Variants in LRRC37A2 observed in about 807,000 individuals in gnomAD.
LRRC37A2 encodes leucine rich repeat containing 37 member A2.
A neutral mutation model predicts 68.8 loss-of-function variants in LRRC37A2; 9 were observed. That is an observed-to-expected ratio of 0.13 (90% CI 0.08 to 0.23). The LOEUF (loss-of-function observed/expected upper bound fraction) is 0.23, where lower values mean the gene tolerates loss of function less well. Among genes scored for constraint, LRRC37A2 ranks in the 10% least tolerant of loss-of-function variants. LRRC37A2 has a pLI of 1.00. For missense variants in LRRC37A2, 168 were observed against 950.4 expected (o/e 0.18, Z 10.82); for synonymous variants, 63 against 367.6 (o/e 0.17, Z 9.48).
chr17:46,832,039 C>T, the LRRC37A2 span, among the ~76,000 whole-genome samples: 1 of 152,192 alleles, frequency 6.6e-6, no homozygotes, highest in Non-Finnish European at 1.5e-5. Context: ...TGCCCAGCCT[C>T]GTGAGGCCCG....
chr17:47,035,039 C>T, the LRRC37A2 span: 1 of 152,150 alleles, frequency 6.6e-6, no homozygotes, highest in African/African-American at 2.4e-5. Context: ...TCGCCACTGA[C>T]TCACTCTGAT....
At chr17:47,043,499 A>AG in the LRRC37A2 span, among the ~76,000 whole-genome samples, 1 of 116,496 alleles carries the variant, frequency 8.6e-6, no homozygotes, top group Non-Finnish European at 2.0e-5. Context: ...ACTCCATCTC[A>AG]GGAAAAAAAA....
At chr17:46,757,843 A>C in the LRRC37A2 span, among the ~76,000 whole-genome samples, 539 of 152,202 alleles carry the variant, frequency 3.5e-3, 6 homozygotes, top group African/African-American at 0.013. Flanking sequence ...AAAATGCAAA[A>C]AACAGCCGGG....
chr17:46,721,458 A>T, the LRRC37A2 span: 1 of 643,902 alleles, frequency 1.6e-6, no homozygotes, highest in East Asian at 2.7e-5. Flanking sequence ...TAACTTTAAG[A>T]CCCTATATAT....
At chr17:46,534,436 A>G (rs563405893) in intron 6 of LRRC37A2, among the ~76,000 whole-genome samples, 534 of 148,814 alleles carry the variant, frequency 3.6e-3, no homozygotes, top group Non-Finnish European at 6.1e-3. Context: ...CTGTTTAACA[A>G]AGCACATCTT....
At chr17:46,713,902 A>C in the LRRC37A2 span, 2 of 1,612,950 alleles carry the variant, frequency 1.2e-6, no homozygotes, top group South Asian at 2.2e-5. Context: ...TTGCAGAGGA[A>C]TCCAACTTCC....
chr17:46,849,269 A>G, the LRRC37A2 span, among the ~76,000 whole-genome samples: 72 of 152,366 alleles, frequency 4.7e-4, no homozygotes, highest in African/African-American at 1.7e-3. Context: ...TCTTTGATTC[A>G]TAGGCTTACC....
At chr17:46,815,257 G>C in the LRRC37A2 span, among the ~76,000 whole-genome samples, 2 of 152,122 alleles carry the variant, frequency 1.3e-5, no homozygotes, top group African/African-American at 2.4e-5. Context: ...AGAAATCAGT[G>C]CTGTTGTTTC....
chr17:46,792,968 A>G, the LRRC37A2 span, among the ~76,000 whole-genome samples: 1 of 152,114 alleles, frequency 6.6e-6, no homozygotes, highest in African/African-American at 2.4e-5. Flanking sequence ...CTGAGATGGC[A>G]AAAAAAGCAG....
At chr17:46,494,548 T>C in the LRRC37A2 span, among the ~76,000 whole-genome samples, 2 of 150,536 alleles carry the variant, frequency 1.3e-5, no homozygotes, top group Non-Finnish European at 2.9e-5. Context: ...ATTTACAAAT[T>C]ATCAATTATA....
At chr17:46,405,805 C>G in the LRRC37A2 span, among the ~76,000 whole-genome samples, 5,083 of 86,370 alleles carry the variant, frequency 0.059, 25 homozygotes, top group East Asian at 0.41. Flanking sequence ...CAGTCATAGA[C>G]TATGACTACC....
the LRRC37A2 span, among the ~76,000 whole-genome samples, chr17:46,811,843 G>A: frequency 6.6e-6 from 1 of 152,178 alleles, no homozygotes; most frequent in African/African-American, 2.4e-5. Context: ...TGTAATCCCA[G>A]CTACTCGGGA....
chr17:46,873,521 CCCTGT>C, the LRRC37A2 span, among the ~76,000 whole-genome samples: 1 of 152,154 alleles, frequency 6.6e-6, no homozygotes, highest in Non-Finnish European at 1.5e-5. Context: ...GGGTGGGTCT[CCCTGT>C]CAATTGCCCC....
chr17:46,943,754 A>G, the LRRC37A2 span, among the ~76,000 whole-genome samples: 1 of 152,262 alleles, frequency 6.6e-6, no homozygotes, highest in Non-Finnish European at 1.5e-5. Context: ...CCATGTGCTC[A>G]CAGGGCCTCA....
the LRRC37A2 span, among the ~76,000 whole-genome samples, chr17:46,707,328 G>C: frequency 6.6e-6 from 1 of 152,090 alleles, no homozygotes; most frequent in Non-Finnish European, 1.5e-5. Flanking sequence ...CTGCTTATTT[G>C]ATTGATACAA....
chr17:46,841,667 T>C, the LRRC37A2 span, among the ~76,000 whole-genome samples: 1 of 151,720 alleles, frequency 6.6e-6, no homozygotes, highest in African/African-American at 2.4e-5. Flanking sequence ...GGGTAGGGGC[T>C]GGCCGGGAGC....
At chr17:46,883,862 G>A in the LRRC37A2 span, among the ~76,000 whole-genome samples, 5 of 152,100 alleles carry the variant, frequency 3.3e-5, no homozygotes, top group Middle Eastern at 3.2e-3. Flanking sequence ...TGCCTCTCAC[G>A]CGTCTTATCC....
chr17:46,782,355 C>T, the LRRC37A2 span, among the ~76,000 whole-genome samples: 7 of 152,152 alleles, frequency 4.6e-5, no homozygotes, highest in African/African-American at 1.7e-4. Flanking sequence ...TTTTTCTCTC[C>T]CTGTGGTGGG....
chr17:46,939,102 G>A, the LRRC37A2 span: 3 of 1,208,496 alleles, frequency 2.5e-6, no homozygotes, highest in Non-Finnish European at 3.1e-6. Context: ...AGTGAGCCCT[G>A]TGTGCAGGAC....
Sources: gnomAD v4.1 joint callset for allele counts (sites outside exome capture counted in the v4.1 genomes callset) on GRCh38, gnomAD v4.1.1 for gene constraint, MANE v1.5 for transcripts, NCBI Gene and HGNC (gene_info 2026-07-23, HGNC 2026-07-21) for gene names.